TADA1: variants seen among roughly 807,000 people sequenced by gnomAD.
TADA1 encodes transcriptional adaptor 1.
TADA1 carries 23 observed loss-of-function variants against 39.3 expected under a neutral mutation model. That is an observed-to-expected ratio of 0.58 (90% confidence interval 0.42 to 0.83). The LOEUF is 0.83. Ranked by LOEUF, TADA1 falls within the 40% of genes least tolerant of loss-of-function variation. The pLI is 0.00. For missense variants in TADA1, 352 were observed against 408.1 expected, an observed-to-expected ratio of 0.86 and a Z score of 1.18; for synonymous variants, 137 against 151.8, an observed-to-expected ratio of 0.90 and a Z score of 0.72.
intron 1 of TADA1, 92 bp downstream of exon 1, chr1:166,876,068 G>C: frequency 7.8e-7 from 1 of 1,286,324 alleles, no homozygotes. Context: ...CAGGCCCCCG[G>C]GCGACGCGGG....
intron 1 of TADA1, among the ~76,000 whole-genome samples, chr1:166,874,522 A>G (rs1200113082): frequency 4.6e-5 from 7 of 152,256 alleles, no homozygotes; most frequent in South Asian, 4.1e-4. Context: ...GTGGTGGCTC[A>G]TGCCTGTAAT....
At chr1:166,872,826 C>A (rs535740267) in intron 1 of TADA1, among the ~76,000 whole-genome samples, 148 of 152,286 alleles carry the variant, frequency 9.7e-4, no homozygotes, top group Non-Finnish European at 1.5e-3. Context: ...TATAAATTAC[C>A]CAGCCTCAAC....
At chr1:166,873,858 A>G (rs1420944971) in intron 1 of TADA1, among the ~76,000 whole-genome samples, 1 of 152,060 alleles carries the variant, frequency 6.6e-6, no homozygotes, top group Non-Finnish European at 1.5e-5. Flanking sequence ...CTTCAAAAAC[A>G]CTTTTGGCAG....
At chr1:166,858,065 G>T in intron 7 of TADA1, 54 bp downstream of exon 7, 1 of 1,594,558 alleles carries the variant, frequency 6.3e-7, no homozygotes. Context: ...TAGACTTAAA[G>T]AATCTCTTAA....
At position 166,858,321 on chromosome 1, in the gene TADA1, C is replaced by G. The variant is rs760762971; in HGVS notation, c.693-40G>C. On this transcript the variant is annotated intron_variant, in intron 6 of 7. Transcript: ENST00000367874. The stretch of plus-strand genomic sequence containing the variant: ...TTCAGAAATAGTCCCAGCACAGAGA[C>G]AACTGAGCAACAAGGACAGGAGTGG... 2.0e-6 allele frequency: 3 copies of G among 1,467,658 alleles called. No homozygotes were observed. The Admixed American group carries it at 7.6e-5, about 37-fold the overall frequency. 90.9% of individuals were successfully genotyped at this position (1,467,658 alleles called of 1,614,324 possible). A position where few individuals can be genotyped will look rare whatever the true frequency, so the allele number is the denominator to read the frequency against.
chr1:166,869,136 C>A, intron 3 of TADA1: 1 of 367,776 alleles, frequency 2.7e-6, no homozygotes, highest in South Asian at 3.3e-5. Context: ...GACTTTTTCT[C>A]CAGAAACAGA....
At chr1:166,874,037 T>C (rs1268552055) in intron 1 of TADA1, among the ~76,000 whole-genome samples, 1 of 151,396 alleles carries the variant, frequency 6.6e-6, no homozygotes, top group African/African-American at 2.4e-5. Context: ...AAATGCCCCT[T>C]ATGTGCTTAA....
chr1:166,869,822 T>C lies in TADA1; in HGVS notation c.107A>G (p.Gln36Arg). 2 of 1,614,068 alleles carry C rather than the reference T, an allele frequency of 1.2e-6. No individual in the cohort carries two copies. The highest frequency in any genetic ancestry group is 1.7e-6 in the Non-Finnish European group (2 of 1,180,020). Residue 36 changes from glutamine to arginine, a missense_variant, in exon 2 of 8, where the codon CAG (glutamine) becomes CGG (arginine). By Grantham distance (43) the Gln-to-Arg change is conservative (BLOSUM62 1). Coordinates refer to ENST00000367874, the MANE Select transcript of TADA1 (RefSeq NM_053053.4). The part of the protein sequence containing the change: ...YWANLKLWFK[Q>R]KISKEEFDLE... ...GTCAAACTCCTCTTTGCTGATCTTCTGCTTGAACCACAGCTTTAGGTTAGC... is the reference window on the plus strand; with the variant it reads ...GTCAAACTCCTCTTTGCTGATCTTCCGCTTGAACCACAGCTTTAGGTTAGC...
intron 1 of TADA1, among the ~76,000 whole-genome samples, chr1:166,873,610 TACTG>T (rs1250196684): frequency 2.0e-5 from 3 of 152,260 alleles, no homozygotes; most frequent in South Asian, 2.1e-4. Flanking sequence ...ACAAGAGTAT[TACTG>T]ACTATTTAAC....
In TADA1 at chr1:166,866,525, G is replaced by T. The variant is rs138585697; in HGVS notation, c.233-2604C>A. 6.9e-3 allele frequency among the ~76,000 whole-genome samples: 1,054 copies of T among 152,256 alleles called. 3 individuals carry two copies. Among genetic ancestry groups the T allele is most frequent in the African/African-American group, 0.018 (760 of 41,540 alleles). Reference sequence around the variant, plus strand: ...AGGTACAAACAACTATATTTTACTTGTAATAGAAATCTTCTCTTTGTTGCT... The same window carrying T: ...AGGTACAAACAACTATATTTTACTTTTAATAGAAATCTTCTCTTTGTTGCT... On this transcript the variant is annotated intron_variant, in intron 3 of 7. Coordinates refer to ENST00000367874, the MANE Select transcript of TADA1 (RefSeq NM_053053.4).
rs1361382678 is a variant in TADA1 at position 166,856,860 on chromosome 1, CAA to C, written c.*705_*706del. 2 of 152,370 alleles carry C rather than the reference CAA, an allele frequency of 1.3e-5. No homozygotes were observed. The highest frequency in any genetic ancestry group is 4.8e-5 in the African/African-American group (2 of 41,452). The allele number at this position is 152,370 out of a possible 1,614,324, so 9.4% of individuals were successfully genotyped here. A position where few individuals can be genotyped will look rare whatever the true frequency, so the allele number is the denominator to read the frequency against. The stretch of plus-strand genomic sequence containing the variant: ...ATAATTAACCGAAGAAACTGCCAAT[CAA>C]AGTTTTTGGGCATATTTAACAAAAC... On this transcript the variant is annotated 3_prime_UTR_variant, in exon 8 of 8. Coordinates refer to ENST00000367874, the MANE Select transcript of TADA1 (RefSeq NM_053053.4).
At chr1:166,875,285 T>C (rs1283398694) in intron 1 of TADA1, among the ~76,000 whole-genome samples, 3 of 152,334 alleles carry the variant, frequency 2.0e-5, no homozygotes, top group African/African-American at 7.2e-5. Context: ...TTTTTGCTCT[T>C]TGGCTTTGGC....
At chr1:166,862,653 C>T in intron 4 of TADA1, 2 of 543,760 alleles carry the variant, frequency 3.7e-6, no homozygotes, top group Non-Finnish European at 3.3e-6. Flanking sequence ...TTATTCTATT[C>T]AATTAATACC....
In TADA1 at chr1:166,869,751, T is replaced by A; in HGVS notation, c.166+12A>T. 6.3e-7 allele frequency: 1 copy of A among 1,591,164 alleles called. No individual in the cohort carries two copies. On this transcript the variant is annotated intron_variant, in intron 2 of 7. Transcript: ENST00000367874. ...CAGAATAGTAAAATAACTCTGCAGA[T>A]AATTATTTTACCATTATCCTGTGTG...
rs973869121 is a variant in TADA1 at position 166,869,509 on chromosome 1, G to C, written c.168C>G (p.Val56=). Residue 56 remains valine, a splice_region_variant and synonymous_variant, in exon 3 of 8, where the codon GTC becomes GTG. Coordinates refer to ENST00000367874, the MANE Select transcript of TADA1 (RefSeq NM_053053.4). The stretch of plus-strand genomic sequence containing the variant: ...CCAGGAGGAAATCATTGTGAGAATG[G>C]ACTGAAAAAGGAAAGATAGTGACAA... ...EAHRLLTQDN[V]HSHNDFLLAI... 12 of 1,613,270 alleles carry C rather than the reference G, an allele frequency of 7.4e-6. No individual in the cohort carries two copies. The African/African-American group carries it at 1.5e-4, about 20-fold the overall frequency.
intron 1 of TADA1, among the ~76,000 whole-genome samples, chr1:166,871,200 CT>C (rs1658650676): frequency 6.6e-6 from 1 of 152,158 alleles, no homozygotes; most frequent in South Asian, 2.1e-4. Flanking sequence ...AAAAAAATGA[CT>C]TAACCTTTTA....
intron 1 of TADA1, among the ~76,000 whole-genome samples, chr1:166,871,263 C>T (rs1403329754): frequency 6.6e-6 from 1 of 152,176 alleles, no homozygotes; most frequent in Non-Finnish European, 1.5e-5. Flanking sequence ...ACTTATCACA[C>T]CACATCCACA....
chr1:166,861,862 T>C (rs775596354), intron 5 of TADA1, among the ~76,000 whole-genome samples: 13 of 152,086 alleles, frequency 8.5e-5, no homozygotes, highest in Non-Finnish European at 1.2e-4. Context: ...CGAGACCAGT[T>C]AGGCAAGAGA....
Position 166,858,253 on chromosome 1 carries a change from C to A in TADA1, c.721G>T (p.Gly241Cys), listed in dbSNP as rs756472602. 2.5e-6 allele frequency: 4 copies of A among 1,603,820 alleles called. No individual in the cohort carries two copies. The Admixed American group carries it at 5.2e-5, about 21-fold the overall frequency. ...SPPAFTAPCA[G>C]QNPASHPPPD... is the part of the protein sequence containing the mutation. ...GGTGGGTGAGAAGCTGGATTCTGAC[C>A]AGCACAGGGAGCAGTAAAAGCTGGA... The change falls in exon 7 of 8, where the codon GGT (glycine) becomes TGT (cysteine). Residue 241 changes from glycine to cysteine, a missense_variant. This residue lies in a region of TADA1 where 285 missense variants were observed against 310.9 expected (regional missense o/e 0.92). Coordinates refer to ENST00000367874, the MANE Select transcript of TADA1 (RefSeq NM_053053.4).
Sources: gnomAD v4.1 joint callset for allele counts (sites outside exome capture counted in the v4.1 genomes callset) on GRCh38, gnomAD v4.1.1 for gene constraint, gnomAD v4.1.1 regional missense constraint, MANE v1.5 for transcripts, NCBI Gene and HGNC (gene_info 2026-07-23, HGNC 2026-07-21) for gene names.